ARHGAP39: variants seen among roughly 807,000 people sequenced by gnomAD.
The protein encoded by ARHGAP39 is rho GTPase-activating protein 39.
ARHGAP39 carries 44 observed loss-of-function variants against 106.9 expected under a neutral mutation model. The observed-to-expected ratio is 0.41, with a 90% CI of 0.32 to 0.53. The LOEUF (loss-of-function observed/expected upper bound fraction) is 0.53, where lower values mean the gene tolerates loss of function less well. ARHGAP39 is among the 20% of genes least tolerant of loss of function. The pLI, the probability that ARHGAP39 is intolerant of heterozygous loss-of-function variation, is 0.21. For synonymous variants in ARHGAP39, 768 were observed against 693.2 expected (o/e 1.11, Z -1.69); for missense variants, 1,496 against 1,577.3 (o/e 0.95, Z 0.87).
At chr8:144,567,595 T>C (rs1011742461) in intron 3 of ARHGAP39, among the ~76,000 whole-genome samples, 4 of 152,168 alleles carry the variant, frequency 2.6e-5, no homozygotes, top group Non-Finnish European at 5.9e-5. Flanking sequence ...GGCCTAACCA[T>C]CTCCCTGTGA....
intron 1 of ARHGAP39, among the ~76,000 whole-genome samples, chr8:144,637,757 G>A (rs1179943880): frequency 1.3e-5 from 2 of 151,874 alleles, no homozygotes; most frequent in Non-Finnish European, 2.9e-5. Flanking sequence ...CTGGAGTGCA[G>A]TGGCACCATC....
the ARHGAP39 span, among the ~76,000 whole-genome samples, chr8:144,694,628 G>A: frequency 6.6e-6 from 1 of 152,204 alleles, no homozygotes; most frequent in Non-Finnish European, 1.5e-5. Context: ...GGAGTTTCAG[G>A]CCTTTGTGTT....
chr8:144,544,485 T>C (rs975950071), intron 6 of ARHGAP39, among the ~76,000 whole-genome samples: 1 of 151,954 alleles, frequency 6.6e-6, no homozygotes, highest in Non-Finnish European at 1.5e-5. Flanking sequence ...CGTGCGTGCA[T>C]GTGTGTGTGT....
intron 4 of ARHGAP39, 93 bp downstream of exon 4, chr8:144,555,467 T>G: frequency 9.0e-7 from 1 of 1,108,416 alleles, no homozygotes; most frequent in Non-Finnish European, 1.4e-6. Flanking sequence ...GTGTTGCTGC[T>G]ACGCGCCAGG....
At chr8:144,613,525 A>C (rs1353127478) in intron 1 of ARHGAP39, among the ~76,000 whole-genome samples, 2 of 150,932 alleles carry the variant, frequency 1.3e-5, no homozygotes, top group Non-Finnish European at 2.9e-5. Flanking sequence ...TCTTAAACAC[A>C]CTACACCATT....
rs1817569169 is a variant in ARHGAP39, at chr8:144,548,464, C to T, written c.622G>A (p.Gly208Ser). The change falls in exon 5 of 12, where the codon GGC (glycine) becomes AGC (serine). Residue 208 changes from glycine (G) to serine (S), a missense_variant. By Grantham distance (56) the Gly-to-Ser change is moderately conservative. This residue lies in a region of ARHGAP39 where 905 missense variants were observed against 816.4 expected (regional missense o/e 1.11). Coordinates refer to ENST00000377307, the MANE Select transcript of ARHGAP39 (RefSeq NM_025251.3). The surrounding 1 kb of genome is among the most constrained non-coding windows in gnomAD (Gnocchi z 7.4). Reference sequence around the variant, plus strand: ...TTGATGAGCATGCGCTCTTTGGCGCCCGAGTTCCACCGCAGCGAGGAGGTC... The same window carrying T: ...TTGATGAGCATGCGCTCTTTGGCGCTCGAGTTCCACCGCAGCGAGGAGGTC... ...YRTSSLRWNS[G>S]AKERMLIKVA... The T allele has an allele frequency of 6.2e-7, 1 of 1,610,118 alleles. No individual in the cohort carries two copies. Among genetic ancestry groups the T allele is most frequent in the African/African-American group, 1.3e-5 (1 of 74,902 alleles).
At chr8:144,570,144 C>T (rs1050319961) in intron 3 of ARHGAP39, among the ~76,000 whole-genome samples, 3 of 152,184 alleles carry the variant, frequency 2.0e-5, no homozygotes, top group African/African-American at 4.8e-5. Flanking sequence ...TTACTTCACC[C>T]GGGGAGGCAG....
At position 144,548,565 on chromosome 8, in the gene ARHGAP39, T is replaced by G; in HGVS notation, c.597-76A>C. The G allele has an allele frequency of 6.6e-7, 1 of 1,516,562 alleles. No individual in the cohort carries two copies. Among genetic ancestry groups the G allele is most frequent in the South Asian group, 1.3e-5 (1 of 79,940 alleles). The allele number at this position is 1,516,562 out of a possible 1,614,324, so 93.9% of individuals were successfully genotyped here. On this transcript the variant is annotated intron_variant, in intron 4 of 11. Transcript: ENST00000377307. The surrounding 1 kb of genome is among the most constrained non-coding windows in gnomAD (Gnocchi z 7.4). ...GCACGCCCCACCCCCTCGGGGGCTG[T>G]AGGCAGCGGCTCCCGCGAACCCTCT...
At chr8:144,545,845 T>TGGGGTGTGGGGGGG in intron 5 of ARHGAP39, 35 bp from the exon 6 acceptor site, 3 of 1,042,146 alleles carry the variant, frequency 2.9e-6, no homozygotes, top group Non-Finnish European at 4.0e-6. Context: ...CTGTTGGGGG[T>TGGGGTGTGGGGGGG]GGGGGAGGGC....
Position 144,530,878 on chromosome 8 carries a change from A to G in ARHGAP39, c.2981-7T>C, listed in dbSNP as rs772277817. ...CACAGCTTCAGCAGGGACGCTGGGG[A>G]CACAGCACGGGGCTCAGCGGCCCTG... On this transcript the variant is annotated splice_region_variant and splice_polypyrimidine_tract_variant and intron_variant, in intron 10 of 11. Coordinates refer to ENST00000377307, the MANE Select transcript of ARHGAP39 (RefSeq NM_025251.3). 24 of 1,606,686 alleles carry G rather than the reference A, an allele frequency of 1.5e-5. No homozygotes were observed. In the South Asian group the frequency reaches 2.4e-4, roughly 16 times the overall value.
At chr8:144,555,525 A>G in intron 4 of ARHGAP39, 35 bp downstream of exon 4, 2 of 1,590,844 alleles carry the variant, frequency 1.3e-6, no homozygotes, top group Non-Finnish European at 1.7e-6. Context: ...GCCGCCCTCC[A>G]TCACAAACGG....
intron 2 of ARHGAP39, among the ~76,000 whole-genome samples, chr8:144,582,507 T>C (rs1430982188): frequency 6.6e-6 from 1 of 152,220 alleles, no homozygotes; most frequent in Non-Finnish European, 1.5e-5. Flanking sequence ...GATGAGCAGC[T>C]GAGAAACAGG....
chr8:144,546,689 C>T (rs533218573), intron 5 of ARHGAP39, among the ~76,000 whole-genome samples: 3 of 152,176 alleles, frequency 2.0e-5, no homozygotes, highest in South Asian at 2.1e-4. Context: ...TCTGTCCTCC[C>T]GGCAGTTCTT....
intron 3 of ARHGAP39, among the ~76,000 whole-genome samples, chr8:144,573,184 CAA>C (rs1187088177): frequency 6.6e-6 from 1 of 152,166 alleles, no homozygotes; most frequent in East Asian, 1.9e-4. Flanking sequence ...GTCACAATAG[CAA>C]AGACTTGGAA....
chr8:144,603,732 A>G (rs908157962), intron 2 of ARHGAP39, among the ~76,000 whole-genome samples: 4 of 151,742 alleles, frequency 2.6e-5, no homozygotes, highest in Non-Finnish European at 4.4e-5. Flanking sequence ...AAGCAAATAC[A>G]CTGCAGTAGC....
At chr8:144,570,049 C>T (rs572649507) in intron 3 of ARHGAP39, among the ~76,000 whole-genome samples, 3 of 152,148 alleles carry the variant, frequency 2.0e-5, no homozygotes, top group Non-Finnish European at 2.9e-5. Context: ...GGTAAAACCC[C>T]GTCTCTACTA....
intron 1 of ARHGAP39, among the ~76,000 whole-genome samples, chr8:144,612,792 G>C (rs1313923191): frequency 3.3e-5 from 5 of 151,956 alleles, no homozygotes; most frequent in Non-Finnish European, 7.4e-5. Context: ...GGGATAGAGT[G>C]AAGTGAGCCA....
chr8:144,532,473 G>T, intron 9 of ARHGAP39, 77 bp from the exon 10 acceptor site: 2 of 1,339,314 alleles, frequency 1.5e-6, no homozygotes, highest in Non-Finnish European at 2.1e-6. Context: ...CACTCCCTCC[G>T]GTAGGCCCCT....
intron 1 of ARHGAP39, among the ~76,000 whole-genome samples, chr8:144,665,551 A>G (rs148884670): frequency 0.011 from 1,606 of 152,292 alleles, 22 homozygotes; most frequent in African/African-American, 0.037. Context: ...TCCCTGTGCT[A>G]TGTGCAGCCT....
Sources: allele counts gnomAD v4.1 joint callset (sites outside exome capture counted in the v4.1 genomes callset), GRCh38; gene constraint gnomAD v4.1.1; regional missense constraint gnomAD v4.1.1; non-coding constraint Gnocchi (gnomAD v3.1); transcripts MANE v1.5; gene names NCBI Gene and HGNC (gene_info 2026-07-23, HGNC 2026-07-21).